Variants in CHODL observed in about 807,000 individuals in gnomAD.
The protein encoded by CHODL is transmembrane protein MT75.
Under a neutral mutation model 34.5 loss-of-function variants are expected in CHODL, and 29 were observed. That is an observed-to-expected ratio of 0.84 (90% CI 0.63 to 1.15). The LOEUF is 1.15. Ranked by LOEUF, CHODL falls within the 50% of genes most tolerant of loss-of-function variation. The pLI is 0.00. For missense variants in CHODL, 332 were observed against 332.5 expected (o/e 1.00, Z 0.01); for synonymous variants, 125 against 116.1 (o/e 1.08, Z -0.49).
At chr21:18,153,418 A>G (rs1465701544) in intron 2 of CHODL, among the ~76,000 whole-genome samples, 2 of 152,230 alleles carry the variant, frequency 1.3e-5, no homozygotes, top group East Asian at 3.9e-4. Flanking sequence ...CCATCTTCAA[A>G]ACCTGAAATG....
chr21:18,122,651 A>G lies in CHODL; in HGVS notation c.-45+94680A>G, dbSNP rs75989350. On this transcript the variant is annotated intron_variant, in intron 2 of 6. Coordinates refer to the CHODL transcript ENST00000400127. ...TCACCAAAGAATAGAACACATTTGA[A>G]AATAGACTTGCCTAGGAATGAAGGT... Among the ~76,000 whole-genome samples, 1,368 of 152,306 alleles carry G rather than the reference A, an allele frequency of 9.0e-3. 70 individuals carry two copies. The East Asian group carries it at 0.15, about 17-fold the overall frequency.
chr21:18,209,299 C>T (rs770883045), intron 2 of CHODL, among the ~76,000 whole-genome samples: 18 of 152,130 alleles, frequency 1.2e-4, no homozygotes, highest in Non-Finnish European at 2.4e-4. Flanking sequence ...TTCTCGTGGC[C>T]ACTACTGACC....
chr21:18,121,822 G>A (rs1161999392), intron 2 of CHODL, among the ~76,000 whole-genome samples: 12 of 152,084 alleles, frequency 7.9e-5, no homozygotes, highest in African/African-American at 1.9e-4. Flanking sequence ...TTTATCAAGC[G>A]CCTTTAGATC....
At chr21:18,193,642 G>A (rs902734788) in intron 2 of CHODL, among the ~76,000 whole-genome samples, 5 of 150,062 alleles carry the variant, frequency 3.3e-5, no homozygotes, top group Non-Finnish European at 7.4e-5. Flanking sequence ...GTTGCAGTGA[G>A]CTGAGATTAT....
intron 2 of CHODL, among the ~76,000 whole-genome samples, chr21:18,187,800 ATTGTT>A (rs1424373949): frequency 6.6e-6 from 1 of 151,984 alleles, no homozygotes; most frequent in Non-Finnish European, 1.5e-5. Context: ...TCCTCTCTGT[ATTGTT>A]TTATTTCCAT....
chr21:18,267,078 G>A lies in CHODL; in HGVS notation c.*1040G>A, dbSNP rs1275448049. 2 of 152,190 alleles carry A rather than the reference G, an allele frequency of 1.3e-5. No homozygotes were observed. The highest frequency in any genetic ancestry group is 2.9e-5 in the Non-Finnish European group (2 of 68,030). The allele number at this position is 152,190 out of a possible 1,614,324, so 9.4% of individuals were successfully genotyped here. ...ATATTAGTATACAAAGAGGTCATGT[G>A]GTTGAGACCAGGTGAATAGTCACTA... On this transcript the variant is annotated 3_prime_UTR_variant, in exon 6 of 6. Transcript: ENST00000299295.
At chr21:17,945,003 G>A (rs550184897) in intron 1 of CHODL, among the ~76,000 whole-genome samples, 1 of 152,244 alleles carries the variant, frequency 6.6e-6, no homozygotes, top group African/African-American at 2.4e-5. Flanking sequence ...AGGGTCCGGA[G>A]ATCGAGACCA....
intron 3 of CHODL, among the ~76,000 whole-genome samples, chr21:18,259,238 T>C (rs2146818333): frequency 6.6e-6 from 1 of 152,264 alleles, no homozygotes; most frequent in Admixed American, 6.5e-5. Flanking sequence ...GAAACAAATT[T>C]ACAGGCTTTT....
chr21:18,055,436 A>G (rs896033697), intron 2 of CHODL, among the ~76,000 whole-genome samples: 17 of 152,052 alleles, frequency 1.1e-4, no homozygotes, highest in African/African-American at 2.9e-4. Context: ...TGTATAAAGA[A>G]GGAGCAATCT....
chr21:18,069,986 TC>T (rs2064778022), intron 2 of CHODL, among the ~76,000 whole-genome samples: 2 of 49,594 alleles, frequency 4.0e-5, no homozygotes, highest in African/African-American at 1.3e-4. Context: ...TCCTTTTCTT[TC>T]CCTTCCCTTC....
At chr21:17,973,588 T>C (rs2063635902) in intron 1 of CHODL, among the ~76,000 whole-genome samples, 1 of 141,380 alleles carries the variant, frequency 7.1e-6, no homozygotes. Context: ...AGCTAATTTT[T>C]TGTATTTTTT....
chr21:18,208,350 G>A (rs1272323165), intron 2 of CHODL, among the ~76,000 whole-genome samples: 1 of 151,832 alleles, frequency 6.6e-6, no homozygotes, highest in Non-Finnish European at 1.5e-5. Flanking sequence ...TAATCTCTTT[G>A]TTAAAGTAAT....
intron 2 of CHODL, among the ~76,000 whole-genome samples, chr21:18,038,118 AT>A (rs1443892497): frequency 6.6e-6 from 1 of 151,506 alleles, no homozygotes; most frequent in African/African-American, 2.4e-5. Flanking sequence ...CAAAAGAATG[AT>A]TTTTTTAGAA....
chr21:18,228,058 G>T (rs2073946911), intron 2 of CHODL, among the ~76,000 whole-genome samples: 1 of 152,120 alleles, frequency 6.6e-6, no homozygotes, highest in South Asian at 2.1e-4. Flanking sequence ...CCATTTGTGT[G>T]ATACTGCCAT....
intron 2 of CHODL, among the ~76,000 whole-genome samples, chr21:18,067,268 A>G (rs1456776888): frequency 3.9e-5 from 6 of 152,212 alleles, no homozygotes; most frequent in South Asian, 2.1e-4. Context: ...CAAAAACCCA[A>G]TGCCTCAGAA....
chr21:18,104,347 C>A (rs1173511449), intron 2 of CHODL, among the ~76,000 whole-genome samples: 1 of 152,134 alleles, frequency 6.6e-6, no homozygotes, highest in African/African-American at 2.4e-5. Context: ...GCCCTTCCCC[C>A]TTCGCTTGGC....
At chr21:18,220,245 G>A (rs1223994955) in intron 2 of CHODL, among the ~76,000 whole-genome samples, 5 of 152,094 alleles carry the variant, frequency 3.3e-5, no homozygotes, top group African/African-American at 7.2e-5. Context: ...ATTTTCGTAG[G>A]TAGCATATAG....
chr21:17,996,162 T>G (rs1348096722), intron 1 of CHODL, among the ~76,000 whole-genome samples: 2 of 152,190 alleles, frequency 1.3e-5, no homozygotes, highest in Admixed American at 6.5e-5. Context: ...TCAGTTATAT[T>G]AAGGTTATCA....
intron 2 of CHODL, among the ~76,000 whole-genome samples, chr21:18,141,891 T>C (rs1735277): frequency 0.081 from 12,340 of 152,126 alleles, 1,485 homozygotes; most frequent in African/African-American, 0.26. Context: ...GTTTTGATGG[T>C]AGTCGCCCAG....
Sources: gnomAD v4.1 joint callset for allele counts (sites outside exome capture counted in the v4.1 genomes callset) on GRCh38, gnomAD v4.1.1 for gene constraint, MANE v1.5 for transcripts, NCBI Gene and HGNC (gene_info 2026-07-23, HGNC 2026-07-21) for gene names.